Variants in CASC3 observed in about 807,000 individuals in gnomAD.
CASC3 encodes the protein protein CASC3.
A neutral mutation model predicts 80.5 loss-of-function variants in CASC3; 30 were observed. That is an observed-to-expected ratio of 0.37 (90% CI 0.28 to 0.51). The LOEUF is 0.51. Among genes scored for constraint, CASC3 ranks in the 20% least tolerant of loss-of-function variants. The pLI is 0.94. For synonymous variants in CASC3, 312 were observed against 333.6 expected, an observed-to-expected ratio of 0.94 and a Z score of 0.70; for missense variants, 824 against 922.2, an observed-to-expected ratio of 0.89 and a Z score of 1.38.
chr17:40,156,928 A>G (rs1249419055), intron 3 of CASC3, among the ~76,000 whole-genome samples: 9 of 152,114 alleles, frequency 5.9e-5, no homozygotes, highest in Non-Finnish European at 1.2e-4. Context: ...CTGCAGTCCC[A>G]GCTACTCAGG....
chr17:40,158,783 G>A (rs1989216157), intron 3 of CASC3, among the ~76,000 whole-genome samples: 1 of 152,040 alleles, frequency 6.6e-6, no homozygotes, highest in Non-Finnish European at 1.5e-5. Context: ...GTCCTTTAAG[G>A]TTTTTTAGGT....
rs1268955521 is a variant in CASC3 at position 40,140,684 on chromosome 17, G to C, written c.136G>C (p.Gly46Arg). The part of the protein sequence containing the change: ...CSGSAGGGGS[G>R]SLPSQRGGRT... ...CGGTAGCGCCGGAGGCGGCGGCAGC[G>C]GCTCTCTGCCTTCACAGCGCGGAGG... The change falls in exon 1 of 14, where the codon GGC becomes CGC. Residue 46 changes from glycine (G) to arginine (R), a missense_variant. Around this residue, in one of 3 missense-constraint regions of CASC3, gnomAD observed 159 missense variants for 122.2 expected, o/e 1.30. Transcript: ENST00000264645. 1 of 1,597,132 alleles carries C rather than the reference G, an allele frequency of 6.3e-7. No individual in the cohort carries two copies. Among genetic ancestry groups the C allele is most frequent in the Non-Finnish European group, 8.5e-7 (1 of 1,173,564 alleles).
chr17:40,149,287 C>CTT (rs763018937), intron 3 of CASC3, among the ~76,000 whole-genome samples: 11 of 129,836 alleles, frequency 8.5e-5, no homozygotes, highest in African/African-American at 8.5e-5. Context: ...TCCAAGAATT[C>CTT]TTTTTTTTTT....
chr17:40,155,173 G>GCC (rs1989115188), intron 3 of CASC3, among the ~76,000 whole-genome samples: 1 of 152,210 alleles, frequency 6.6e-6, no homozygotes, highest in African/African-American at 2.4e-5. Context: ...ACAGGCATGA[G>GCC]CCACTGCGCC....
chr17:40,166,701 C>A, intron 7 of CASC3, 96 bp from the exon 8 acceptor site: 1 of 732,000 alleles, frequency 1.4e-6, no homozygotes, highest in Non-Finnish European at 2.2e-6. Context: ...AAAAGGCATT[C>A]CTTATGTTGA....
At chr17:40,161,016 G>A (rs1368372552) in intron 3 of CASC3, among the ~76,000 whole-genome samples, 2 of 151,524 alleles carry the variant, frequency 1.3e-5, no homozygotes, top group South Asian at 2.1e-4. Context: ...GCCTTGCTCT[G>A]TCGCCCAGGC....
intron 3 of CASC3, among the ~76,000 whole-genome samples, chr17:40,154,114 T>TG (rs1398074769): frequency 6.6e-6 from 1 of 151,632 alleles, no homozygotes; most frequent in African/African-American, 2.4e-5. Flanking sequence ...CGTTTTTTTT[T>TG]TTTTTTTTTT....
intron 11 of CASC3, 76 bp downstream of exon 11, chr17:40,168,493 C>T: frequency 2.3e-6 from 3 of 1,289,282 alleles, no homozygotes; most frequent in Non-Finnish European, 3.2e-6. Flanking sequence ...GGGGAGAATG[C>T]TAAAGGAATT....
At chr17:40,161,556 A>G (rs1044545550) in intron 3 of CASC3, among the ~76,000 whole-genome samples, 197 bp from the exon 4 acceptor site, 3 of 152,072 alleles carry the variant, frequency 2.0e-5, no homozygotes, top group Admixed American at 2.0e-4. Context: ...GTGGGCGCCT[A>G]TAATCCCAGC....
At position 40,150,905 on chromosome 17, in the gene CASC3, C is replaced by T. The variant is rs9901506; in HGVS notation, c.297+9298C>T. Among the ~76,000 whole-genome samples the T allele has an allele frequency of 6.3e-3, 962 of 151,672 alleles. 14 individuals are homozygous for T. The highest frequency in any genetic ancestry group is 0.022 in the African/African-American group (920 of 41,342). ...GCGGGCACCTGTAGTCCCAGCCACT[C>T]GGGAGGCTGAGGCAGGAGAATGGTG... is the stretch of plus-strand genomic sequence containing the variant. On this transcript the variant is annotated intron_variant, in intron 3 of 13. Transcript: ENST00000264645.
At chr17:40,160,513 T>G (rs1989267158) in intron 3 of CASC3, among the ~76,000 whole-genome samples, 2 of 151,768 alleles carry the variant, frequency 1.3e-5, no homozygotes, top group Admixed American at 6.6e-5. Context: ...AAAAAAAAGA[T>G]AATTCATGGA....
At chr17:40,168,828 G>A (rs1372801149) in intron 11 of CASC3, 4 of 225,786 alleles carry the variant, frequency 1.8e-5, no homozygotes, top group East Asian at 2.6e-4. Context: ...GACCTCAACC[G>A]ATCCACCTGC....
At chr17:40,156,235 A>G (rs764376887) in intron 3 of CASC3, among the ~76,000 whole-genome samples, 2 of 152,144 alleles carry the variant, frequency 1.3e-5, no homozygotes, top group Non-Finnish European at 1.5e-5. Flanking sequence ...GAAAAACTTC[A>G]TGTAATTAAG....
chr17:40,158,854 A>G (rs1277690870), intron 3 of CASC3, among the ~76,000 whole-genome samples: 1 of 152,158 alleles, frequency 6.6e-6, no homozygotes, highest in East Asian at 1.9e-4. Flanking sequence ...TCTGCTGCAG[A>G]AAACCAGTAC....
chr17:40,169,647 T>G lies in CASC3; in HGVS notation c.*26T>G. ...TACAAGTTTCTGAATATTTTAAATC[T>G]TAACATCATATAAAAGTAAGTGCAC... On this transcript the variant is annotated 3_prime_UTR_variant, in exon 13 of 14. Transcript: ENST00000264645. 3 of 1,556,132 alleles carry G rather than the reference T, an allele frequency of 1.9e-6. No homozygotes were observed. The highest frequency in any genetic ancestry group is 2.6e-6 in the Non-Finnish European group (3 of 1,147,560).
At chr17:40,167,263 TAA>T in intron 8 of CASC3, 1 of 565,712 alleles carries the variant, frequency 1.8e-6, no homozygotes, top group Admixed American at 3.3e-5. Context: ...CCGGCCAAGA[TAA>T]AGTCAGTTTT....
Position 40,140,763 on chromosome 17 carries a change from C to T in CASC3, c.215C>T (p.Ala72Val). 1.2e-5 allele frequency: 15 copies of T among 1,243,960 alleles called. No homozygotes were observed. The highest frequency in any genetic ancestry group is 1.5e-5 in the Non-Finnish European group (15 of 968,506). The allele number at this position is 1,243,960 out of a possible 1,614,324, so 77.1% of individuals were successfully genotyped here. The change falls in exon 1 of 14, where the codon GCT (alanine) becomes GTT (valine). Residue 72 changes from alanine (A) to valine (V), a missense_variant. Coordinates refer to ENST00000264645, the MANE Select transcript of CASC3 (RefSeq NM_007359.5). ...GTGGAGAGCGGGGGCGCCAAGAGTG[C>T]TGAGGAGTCGGAGTGTGTGAGTGCG... ...RRVESGGAKS[A>V]EESECESEDG...
chr17:40,143,373 G>T (rs1305370375), intron 3 of CASC3, among the ~76,000 whole-genome samples: 1 of 152,134 alleles, frequency 6.6e-6, no homozygotes, highest in Non-Finnish European at 1.5e-5. Flanking sequence ...TTGAGCCTGG[G>T]AGGTGGAGGT....
intron 10 of CASC3, 116 bp downstream of exon 10, chr17:40,168,064 G>C (rs1989497165): frequency 7.7e-7 from 1 of 1,301,000 alleles, no homozygotes; most frequent in East Asian, 2.3e-5. Flanking sequence ...GGCCATCCTG[G>C]CTGCTTGGGC....
Sources: allele counts gnomAD v4.1 joint callset (sites outside exome capture counted in the v4.1 genomes callset), GRCh38; gene constraint gnomAD v4.1.1; regional missense constraint gnomAD v4.1.1; transcripts MANE v1.5; gene names NCBI Gene and HGNC (gene_info 2026-07-23, HGNC 2026-07-21).